Variants in UBE2V2 observed in about 807,000 individuals in gnomAD.
UBE2V2 encodes ubiquitin conjugating enzyme E2 V2.
A neutral mutation model predicts 17.2 loss-of-function variants in UBE2V2; 9 were observed. That is an observed-to-expected ratio of 0.52 (90% CI 0.32 to 0.91). The LOEUF is 0.91. UBE2V2 is among the 40% of genes least tolerant of loss of function. The pLI is 0.04. For missense variants in UBE2V2, 133 were observed against 182.6 expected (o/e 0.73, Z 1.56); for synonymous variants, 61 against 57.5 (o/e 1.06, Z -0.28).
intron 1 of UBE2V2, among the ~76,000 whole-genome samples, chr8:48,032,228 A>C (rs1314885810): frequency 2.6e-5 from 4 of 152,214 alleles, no homozygotes; most frequent in Non-Finnish European, 5.9e-5. Flanking sequence ...AATTGTGATC[A>C]ATTTAAACTT....
At chr8:48,026,606 T>C (rs577674521) in intron 1 of UBE2V2, among the ~76,000 whole-genome samples, 100 of 152,326 alleles carry the variant, frequency 6.6e-4, no homozygotes, top group African/African-American at 2.1e-3. Context: ...AGCCCCTGAC[T>C]ACTATAATCT....
At chr8:48,041,654 C>A (rs972864528) in intron 1 of UBE2V2, 2 of 152,140 alleles carry the variant, frequency 1.3e-5, no homozygotes, top group African/African-American at 4.8e-5. Flanking sequence ...TTTACCTTTG[C>A]ATATACACGA....
At chr8:48,024,872 C>CT (rs2091329542) in intron 1 of UBE2V2, among the ~76,000 whole-genome samples, 1 of 151,096 alleles carries the variant, frequency 6.6e-6, no homozygotes, top group Non-Finnish European at 1.5e-5. Context: ...TCACATAAAT[C>CT]TTTTTTGTAA....
At chr8:48,054,888 G>A (rs918533990) in intron 3 of UBE2V2, among the ~76,000 whole-genome samples, 3 of 150,812 alleles carry the variant, frequency 2.0e-5, no homozygotes, top group African/African-American at 4.9e-5. Context: ...TCTTTACTGC[G>A]TCCTCTCTCT....
At chr8:48,024,353 T>C (rs1338732342) in intron 1 of UBE2V2, among the ~76,000 whole-genome samples, 2 of 152,092 alleles carry the variant, frequency 1.3e-5, no homozygotes, top group African/African-American at 2.4e-5. Context: ...CCCAGCACTT[T>C]GGGAGGCCAG....
chr8:48,019,824 A>G (rs2091292990), intron 1 of UBE2V2, among the ~76,000 whole-genome samples: 1 of 152,060 alleles, frequency 6.6e-6, no homozygotes, highest in Admixed American at 6.6e-5. Context: ...CAAAAAAAAA[A>G]ATTAGCCAGG....
At chr8:48,010,311 A>G (rs1563847012) in intron 1 of UBE2V2, among the ~76,000 whole-genome samples, 3 of 147,636 alleles carry the variant, frequency 2.0e-5, no homozygotes, top group Non-Finnish European at 4.4e-5. Context: ...ATCTTGGCTC[A>G]CTGCACCCTC....
At chr8:48,023,978 T>C (rs1216426237) in intron 1 of UBE2V2, among the ~76,000 whole-genome samples, 2 of 152,170 alleles carry the variant, frequency 1.3e-5, no homozygotes, top group African/African-American at 4.8e-5. Flanking sequence ...AAGTTTGACA[T>C]ATGTAAGATG....
At chr8:48,000,793 G>A in the UBE2V2 span, among the ~76,000 whole-genome samples, 1 of 128,828 alleles carries the variant, frequency 7.8e-6, no homozygotes, top group African/African-American at 3.0e-5. Flanking sequence ...CTGCACTCCA[G>A]CCTGGGCAAC....
At chr8:48,043,275 T>A in intron 2 of UBE2V2, 94 bp downstream of exon 2, 1 of 1,005,756 alleles carries the variant, frequency 9.9e-7, no homozygotes, top group Non-Finnish European at 1.3e-6. Context: ...GCAATTATGA[T>A]AACTTCTAAA....
chr8:48,039,548 T>C (rs564259643), intron 1 of UBE2V2, among the ~76,000 whole-genome samples: 1 of 152,322 alleles, frequency 6.6e-6, no homozygotes, highest in Admixed American at 6.5e-5. Context: ...GGAGGAATTA[T>C]TTCTGTATTT....
chr8:48,040,408 T>C lies in UBE2V2; in HGVS notation c.17-2625T>C, dbSNP rs545510550. On this transcript the variant is annotated intron_variant, in intron 1 of 3. Transcript: ENST00000523111. ...AGCAAAATAATGATAATAATATTTT[T>C]CCTGATACCAAGATTGCATTTGGTT... is the stretch of plus-strand genomic sequence containing the variant. Among the ~76,000 whole-genome samples, 5 of 152,360 alleles carry C rather than the reference T, an allele frequency of 3.3e-5. No homozygotes were observed. The South Asian group carries it at 1.0e-3, about 32-fold the overall frequency.
At chr8:48,046,867 C>G (rs543108635) in intron 2 of UBE2V2, among the ~76,000 whole-genome samples, 1 of 151,816 alleles carries the variant, frequency 6.6e-6, no homozygotes, top group Non-Finnish European at 1.5e-5. Context: ...TCCCAAAGTG[C>G]TAGGATTATA....
Position 48,063,370 on chromosome 8 carries a change from T to C in UBE2V2, c.*2542T>C, listed in dbSNP as rs1802622547. On this transcript the variant is annotated 3_prime_UTR_variant, in exon 4 of 4. Transcript: ENST00000523111. ...AATATAGAAAAGCTCTTAATTATAA[T>C]AACATTTGGAAGAAATTTTTCCTTT... 6.6e-6 allele frequency: 1 copy of C among 152,252 alleles called. No homozygotes were observed. Among genetic ancestry groups the C allele is most frequent in the Non-Finnish European group, 1.5e-5 (1 of 68,040 alleles). The allele number at this position is 152,252 out of a possible 1,614,324, so 9.4% of individuals were successfully genotyped here. A position where few individuals can be genotyped will look rare whatever the true frequency, so the allele number is the denominator to read the frequency against.
chr8:48,026,094 CTTT>C (rs894626758), intron 1 of UBE2V2, among the ~76,000 whole-genome samples: 8 of 146,246 alleles, frequency 5.5e-5, no homozygotes, highest in Non-Finnish European at 9.1e-5. Context: ...CTGTTCCTTT[CTTT>C]TTTTTTTTCA....
At chr8:48,017,487 C>T (rs1327805617) in intron 1 of UBE2V2, among the ~76,000 whole-genome samples, 1 of 151,738 alleles carries the variant, frequency 6.6e-6, no homozygotes, top group African/African-American at 2.4e-5. Flanking sequence ...GATTCTCCTG[C>T]TTCAGCCTCC....
At chr8:48,002,588 G>A in the UBE2V2 span, among the ~76,000 whole-genome samples, 3 of 150,974 alleles carry the variant, frequency 2.0e-5, no homozygotes, top group Non-Finnish European at 4.4e-5. Flanking sequence ...AGGAGTTGGA[G>A]ACTAGCCTGG....
the UBE2V2 span, among the ~76,000 whole-genome samples, chr8:48,001,153 C>T: frequency 6.6e-6 from 1 of 152,076 alleles, no homozygotes; most frequent in African/African-American, 2.4e-5. Flanking sequence ...ACAAAGTAAC[C>T]GACAATTAGG....
chr8:48,023,751 T>G (rs1440539083), intron 1 of UBE2V2, among the ~76,000 whole-genome samples: 3 of 151,940 alleles, frequency 2.0e-5, no homozygotes, highest in Non-Finnish European at 4.4e-5. Flanking sequence ...TGGTGCTTGC[T>G]TATAGCTCCA....
Sources: allele counts gnomAD v4.1 joint callset (sites outside exome capture counted in the v4.1 genomes callset), GRCh38; gene constraint gnomAD v4.1.1; transcripts MANE v1.5; gene names NCBI Gene and HGNC (gene_info 2026-07-23, HGNC 2026-07-21).